The following TTC28 variants were observed in gnomAD, a reference collection of about 807,000 sequenced individuals.
TTC28 encodes tetratricopeptide repeat domain 28, also known as tetratricopeptide repeat protein 28.
In TTC28, 61 loss-of-function variants were observed where a neutral mutation model predicts 198.0. That is an observed-to-expected ratio of 0.31 (90% CI 0.25 to 0.38). The LOEUF (loss-of-function observed/expected upper bound fraction) is 0.38. Among genes scored for constraint, TTC28 ranks in the 10% least tolerant of loss-of-function variants. The probability of loss-of-function intolerance (pLI) is 1.00; values close to 1 mark genes in which losing one functional copy is unlikely to be tolerated. For missense variants in TTC28, 2,678 were observed against 3,164.0 expected (o/e 0.85, Z 3.69); for synonymous variants, 1,171 against 1,297.8 (o/e 0.90, Z 2.10).
chr22:28,138,051 G>A (rs1943243729), intron 6 of TTC28, among the ~76,000 whole-genome samples: 1 of 152,054 alleles, frequency 6.6e-6, no homozygotes. Flanking sequence ...TAGCCACTAT[G>A]TCTGGCCCAC....
At chr22:28,234,707 G>A (rs1209328211) in intron 5 of TTC28, among the ~76,000 whole-genome samples, 1 of 152,080 alleles carries the variant, frequency 6.6e-6, no homozygotes, top group Non-Finnish European at 1.5e-5. Context: ...ACAGAATTAG[G>A]GAGAAGCTGA....
intron 2 of TTC28, among the ~76,000 whole-genome samples, chr22:28,316,809 C>A (rs1006669076): frequency 1.3e-5 from 2 of 152,062 alleles, no homozygotes; most frequent in African/African-American, 4.8e-5. Flanking sequence ...CTCTGTTATC[C>A]AGGCTGGAAC....
At position 28,177,983 on chromosome 22, in the gene TTC28, T is replaced by C. The variant is rs144083444; in HGVS notation, c.934-14384A>G. 1.7e-3 allele frequency among the ~76,000 whole-genome samples: 258 copies of C among 152,270 alleles called. 3 individuals carry two copies. The highest frequency in any genetic ancestry group is 0.014 in the Admixed American group (212 of 15,296). The stretch of plus-strand genomic sequence containing the variant: ...GTACAATACAAAGAGTGAACCCTAA[T>C]GTAAATATTGAACTTTAGTTAATAA... On this transcript the variant is annotated intron_variant, in intron 5 of 22. Transcript: ENST00000397906.
intron 6 of TTC28, among the ~76,000 whole-genome samples, chr22:28,161,553 C>A (rs1334176403): frequency 2.0e-5 from 3 of 151,970 alleles, no homozygotes; most frequent in African/African-American, 7.3e-5. Context: ...ACTCGGGAGG[C>A]TGAGGTGGGA....
At chr22:28,134,116 C>T (rs1943135623) in intron 6 of TTC28, among the ~76,000 whole-genome samples, 1 of 152,196 alleles carries the variant, frequency 6.6e-6, no homozygotes, top group Non-Finnish European at 1.5e-5. Context: ...GAGTGGACTC[C>T]AGCAAACTCC....
At chr22:28,045,919 G>A (rs1016619961) in intron 12 of TTC28, among the ~76,000 whole-genome samples, 12 of 152,166 alleles carry the variant, frequency 7.9e-5, no homozygotes, top group East Asian at 3.9e-4. Flanking sequence ...GCAGTGAGCC[G>A]AGAAGGCACC....
chr22:28,357,887 G>A (rs970661631), intron 2 of TTC28, among the ~76,000 whole-genome samples: 12 of 152,128 alleles, frequency 7.9e-5, no homozygotes, highest in Non-Finnish European at 1.8e-4. Flanking sequence ...GAGCCGATTC[G>A]TCGATTTAGC....
chr22:28,089,850 A>T (rs1410012651), intron 12 of TTC28, among the ~76,000 whole-genome samples: 1 of 151,960 alleles, frequency 6.6e-6, no homozygotes, highest in Non-Finnish European at 1.5e-5. Context: ...CATTCTCAGC[A>T]AAGTATCGCA....
intron 1 of TTC28, among the ~76,000 whole-genome samples, chr22:28,675,735 T>TCTCA (rs1555910099): frequency 8.0e-4 from 108 of 135,206 alleles, no homozygotes; most frequent in African/African-American, 2.7e-3. Flanking sequence ...TGAAACCCTG[T>TCTCA]CACACACACA....
At chr22:28,014,908 C>G (rs1035441603) in intron 13 of TTC28, among the ~76,000 whole-genome samples, 2 of 152,238 alleles carry the variant, frequency 1.3e-5, no homozygotes, top group Non-Finnish European at 2.9e-5. Flanking sequence ...AAACCCCTGG[C>G]CCCATGGCCT....
chr22:28,089,710 A>T (rs1941751059), intron 12 of TTC28, among the ~76,000 whole-genome samples: 2 of 150,858 alleles, frequency 1.3e-5, no homozygotes, highest in African/African-American at 2.4e-5. Context: ...AAAAATAAAA[A>T]AAATAAAGGT....
chr22:28,060,673 C>T (rs1940492368), intron 12 of TTC28, among the ~76,000 whole-genome samples: 1 of 152,236 alleles, frequency 6.6e-6, no homozygotes, highest in Admixed American at 6.5e-5. Flanking sequence ...AATCGCCACA[C>T]TGTCTTCCAC....
At chr22:28,659,026 AAG>A (rs1217951296) in intron 1 of TTC28, among the ~76,000 whole-genome samples, 4 of 152,078 alleles carry the variant, frequency 2.6e-5, no homozygotes, top group Non-Finnish European at 5.9e-5. Flanking sequence ...TGAAGAAAAA[AAG>A]AGATGATCTC....
chr22:28,223,486 G>C (rs1928041015), intron 5 of TTC28, among the ~76,000 whole-genome samples: 1 of 152,138 alleles, frequency 6.6e-6, no homozygotes, highest in Non-Finnish European at 1.5e-5. Flanking sequence ...AATCTATTTT[G>C]ATGAGCTTCA....
intron 5 of TTC28, among the ~76,000 whole-genome samples, chr22:28,182,460 C>G (rs1158849991): frequency 1.3e-5 from 2 of 152,100 alleles, no homozygotes; most frequent in African/African-American, 4.8e-5. Flanking sequence ...ATGGAAAACA[C>G]ACACATGTAC....
At chr22:28,370,775 G>A (rs1364928675) in intron 2 of TTC28, among the ~76,000 whole-genome samples, 1 of 152,174 alleles carries the variant, frequency 6.6e-6, no homozygotes, top group African/African-American at 2.4e-5. Flanking sequence ...GAACTATAGA[G>A]AGAGAAGGGA....
chr22:28,038,895 T>G (rs1939481746), intron 12 of TTC28, among the ~76,000 whole-genome samples: 1 of 152,228 alleles, frequency 6.6e-6, no homozygotes, highest in Non-Finnish European at 1.5e-5. Context: ...AAGACATTTA[T>G]GTAGCCAACA....
chr22:28,050,381 A>G (rs192005465), intron 12 of TTC28, among the ~76,000 whole-genome samples: 4 of 152,262 alleles, frequency 2.6e-5, no homozygotes, highest in Admixed American at 2.6e-4. Flanking sequence ...CATTCTTTTA[A>G]ATTTCATTTG....
chr22:28,501,896 C>T (rs1410450746), intron 2 of TTC28, among the ~76,000 whole-genome samples: 2 of 152,010 alleles, frequency 1.3e-5, no homozygotes, highest in East Asian at 3.9e-4. Context: ...TATACCTATT[C>T]TCTTTTGATG....
Sources: allele counts gnomAD v4.1 joint callset (sites outside exome capture counted in the v4.1 genomes callset), GRCh38; gene constraint gnomAD v4.1.1; transcripts MANE v1.5; gene names NCBI Gene and HGNC (gene_info 2026-07-23, HGNC 2026-07-21).